Variants in NRXN3 observed in about 807,000 individuals in gnomAD.
The protein encoded by NRXN3 is neurexin 3.
NRXN3 carries 32 observed loss-of-function variants against 137.6 expected under a neutral mutation model. The observed-to-expected ratio is 0.23, with a 90% CI of 0.18 to 0.31. The LOEUF is 0.31. Ranked by LOEUF, NRXN3 falls within the 10% of genes least tolerant of loss-of-function variation. The pLI, the probability that NRXN3 is intolerant of heterozygous loss-of-function variation, is 1.00. For synonymous variants in NRXN3, 798 were observed against 784.5 expected (o/e 1.02, Z -0.29); for missense variants, 1,574 against 2,062.5 (o/e 0.76, Z 4.59).
chr14:78,210,766 A>T (rs931687641), intron 1 of NRXN3, among the ~76,000 whole-genome samples: 1 of 151,966 alleles, frequency 6.6e-6, no homozygotes, highest in Non-Finnish European at 1.5e-5. Context: ...TAATGGACTT[A>T]TGTCTTGTTT....
chr14:78,515,262 G>A (rs1313739542), intron 4 of NRXN3, among the ~76,000 whole-genome samples: 3 of 152,146 alleles, frequency 2.0e-5, no homozygotes, highest in Non-Finnish European at 4.4e-5. Flanking sequence ...CTTCGACCTG[G>A]TAATCAATGG....
intron 16 of NRXN3, among the ~76,000 whole-genome samples, chr14:79,551,863 G>A (rs1038610146): frequency 6.6e-6 from 1 of 152,136 alleles, no homozygotes; most frequent in South Asian, 2.1e-4. Flanking sequence ...ATCATTGTTG[G>A]CATTTGATGT....
chr14:79,812,804 A>T (rs1338647051), intron 20 of NRXN3, among the ~76,000 whole-genome samples: 4 of 152,158 alleles, frequency 2.6e-5, no homozygotes, highest in Admixed American at 2.6e-4. Context: ...TTTCAATCTG[A>T]ACTCATGAGA....
intron 4 of NRXN3, among the ~76,000 whole-genome samples, chr14:78,319,015 C>G (rs2079030150): frequency 6.6e-6 from 1 of 152,168 alleles, no homozygotes; most frequent in Admixed American, 6.5e-5. Context: ...CAAGGGATGT[C>G]CATGATGTTG....
Position 79,407,114 on chromosome 14 carries a change from T to G in NRXN3, c.3263-60107T>G, listed in dbSNP as rs1599828899. On this transcript the variant is annotated intron_variant, in intron 15 of 20. Transcript: ENST00000335750. The stretch of plus-strand genomic sequence containing the variant: ...TAATTTCTGCCTGAAATCCTTTGGT[T>G]TCCTCTCAGGAGGCATGGAGTGAAT... 2.0e-5 allele frequency among the ~76,000 whole-genome samples: 3 copies of G among 152,248 alleles called. No individual in the cohort carries two copies. In the South Asian group the frequency reaches 6.2e-4, roughly 32 times the overall value.
intron 15 of NRXN3, among the ~76,000 whole-genome samples, chr14:79,462,679 T>C (rs2096363500): frequency 6.6e-6 from 1 of 151,600 alleles, no homozygotes; most frequent in South Asian, 2.1e-4. Flanking sequence ...TATTGTATTA[T>C]TGTATTTTAG....
At chr14:78,477,134 G>A (rs986715078) in intron 4 of NRXN3, among the ~76,000 whole-genome samples, 2 of 152,184 alleles carry the variant, frequency 1.3e-5, no homozygotes, top group African/African-American at 4.8e-5. Context: ...GGGAAGGGAA[G>A]CAATTCTTTT....
intron 4 of NRXN3, among the ~76,000 whole-genome samples, chr14:78,372,119 T>A (rs1471124703): frequency 3.3e-5 from 5 of 151,870 alleles, no homozygotes; most frequent in African/African-American, 4.8e-5. Flanking sequence ...TCTTTTTTTT[T>A]AAAACAAGGA....
At chr14:79,744,900 A>G (rs149515336) in intron 19 of NRXN3, among the ~76,000 whole-genome samples, 125 of 152,242 alleles carry the variant, frequency 8.2e-4, no homozygotes, top group African/African-American at 2.7e-3. Context: ...GACATCCTCA[A>G]GTAGACCCAA....
chr14:78,439,883 C>G (rs1160736288), intron 4 of NRXN3, among the ~76,000 whole-genome samples: 1 of 152,200 alleles, frequency 6.6e-6, no homozygotes, highest in Admixed American at 6.5e-5. Context: ...CTCATTCCCT[C>G]TCTTCCTCCT....
intron 19 of NRXN3, among the ~76,000 whole-genome samples, chr14:79,747,133 T>C (rs1315571861): frequency 1.3e-5 from 2 of 152,030 alleles, no homozygotes; most frequent in African/African-American, 2.4e-5. Context: ...AAGCTACATA[T>C]ATAAATGTCA....
At chr14:79,287,580 T>C (rs1436677244) in intron 15 of NRXN3, among the ~76,000 whole-genome samples, 5 of 152,176 alleles carry the variant, frequency 3.3e-5, no homozygotes, top group African/African-American at 4.8e-5. Flanking sequence ...GTACTTCTTT[T>C]AATGCAATTT....
rs73310371 is a variant in NRXN3, at chr14:78,278,770, G to T, written c.727+108G>T. The T allele has an allele frequency of 2.6e-3, 2,208 of 843,666 alleles. 26 individuals carry two copies. The African/African-American group carries it at 0.032, about 12-fold the overall frequency. 52.3% of individuals were successfully genotyped at this position (843,666 alleles called of 1,614,324 possible). On this transcript the variant is annotated intron_variant, in intron 3 of 20. Coordinates refer to ENST00000335750, the MANE Select transcript of NRXN3 (RefSeq NM_001330195.2). ...ATAGAGACAAAATTCTAAGTGTATT[G>T]CATTTTCACTGATCTAGGTTTAGAA...
chr14:78,753,624 G>A (rs929920), intron 8 of NRXN3: 48,103 of 152,106 alleles, frequency 0.32, 9,932 homozygotes, highest in African/African-American at 0.59. Flanking sequence ...AGTACTGCAT[G>A]TGATACATTT....
At chr14:78,888,848 T>TACACACACATACAC (rs138583318) in intron 10 of NRXN3, among the ~76,000 whole-genome samples, 4 of 146,318 alleles carry the variant, frequency 2.7e-5, no homozygotes, top group South Asian at 2.2e-4. Flanking sequence ...ATCACACACA[T>TACACACACATACAC]ACACACACAC....
intron 8 of NRXN3, among the ~76,000 whole-genome samples, chr14:78,715,551 C>T (rs965309865): frequency 2.6e-4 from 40 of 152,230 alleles, no homozygotes; most frequent in African/African-American, 8.2e-4. Context: ...ACAGGTACAT[C>T]GCTGTTTTTA....
chr14:79,689,773 C>A (rs955090104), intron 17 of NRXN3, among the ~76,000 whole-genome samples: 2 of 151,856 alleles, frequency 1.3e-5, no homozygotes, highest in Non-Finnish European at 2.9e-5. Flanking sequence ...TGGTGCTTTA[C>A]GTTTGAAAGA....
At chr14:79,580,437 T>G (rs1379159514) in intron 16 of NRXN3, among the ~76,000 whole-genome samples, 4 of 90,148 alleles carry the variant, frequency 4.4e-5, no homozygotes, top group Admixed American at 2.7e-4. Flanking sequence ...AAGATTATGT[T>G]TTTTTTTTTT....
chr14:79,741,492 TG>T (rs1568076638), intron 19 of NRXN3, among the ~76,000 whole-genome samples: 7 of 152,052 alleles, frequency 4.6e-5, no homozygotes, highest in Non-Finnish European at 1.0e-4. Context: ...TATAATTTTT[TG>T]TTGTTGTTTT....
Sources: gnomAD v4.1 joint callset for allele counts (sites outside exome capture counted in the v4.1 genomes callset) on GRCh38, gnomAD v4.1.1 for gene constraint, MANE v1.5 for transcripts, NCBI Gene and HGNC (gene_info 2026-07-23, HGNC 2026-07-21) for gene names.